Variants in CACNA1A observed in about 807,000 individuals in gnomAD.
CACNA1A encodes calcium voltage-gated channel subunit alpha1 A, also known as voltage-dependent P/Q-type calcium channel subunit alpha-1A.
In CACNA1A, 57 loss-of-function variants were observed where a neutral mutation model predicts 262.4. That is an observed-to-expected ratio of 0.22 (90% CI 0.18 to 0.27). The LOEUF is 0.27. Ranked by LOEUF, CACNA1A falls within the 10% of genes least tolerant of loss-of-function variation. The pLI is 1.00. For synonymous variants in CACNA1A, 1,431 were observed against 1,419.3 expected (o/e 1.01, Z -0.18); for missense variants, 2,526 against 3,562.8 (o/e 0.71, Z 7.41).
At chr19:13,390,494 A>G (rs376452291) in intron 3 of CACNA1A, among the ~76,000 whole-genome samples, 97 of 152,328 alleles carry the variant, frequency 6.4e-4, no homozygotes, top group Non-Finnish European at 1.2e-3. Context: ...CAAATATGGT[A>G]GCCACTAGTC....
chr19:13,287,994 C>T (rs115440626), intron 19 of CACNA1A, among the ~76,000 whole-genome samples: 7,161 of 151,942 alleles, frequency 0.047, 557 homozygotes, highest in African/African-American at 0.16. Flanking sequence ...TAGAGACTGG[C>T]GTCTCACTAT....
intron 1 of CACNA1A, among the ~76,000 whole-genome samples, chr19:13,505,678 G>A (rs901866980): frequency 2.3e-4 from 35 of 151,608 alleles, no homozygotes; most frequent in African/African-American, 8.5e-4. Context: ...TCGGTCCTTG[G>A]GAAGGATCCA....
chr19:13,285,944 A>C (rs2057386519), intron 20 of CACNA1A, among the ~76,000 whole-genome samples: 2 of 145,522 alleles, frequency 1.4e-5, no homozygotes, highest in African/African-American at 2.6e-5. Flanking sequence ...TCCACCCAGC[A>C]GTTCACCATT....
chr19:13,309,198 C>T (rs1301465206), intron 12 of CACNA1A, among the ~76,000 whole-genome samples: 4 of 151,704 alleles, frequency 2.6e-5, no homozygotes, highest in Admixed American at 6.6e-5. Context: ...TTAGTAGAGA[C>T]GGGGTTTCAC....
At chr19:13,461,131 G>T (rs549328745) in intron 1 of CACNA1A, among the ~76,000 whole-genome samples, 69 of 152,106 alleles carry the variant, frequency 4.5e-4, no homozygotes, top group Non-Finnish European at 9.1e-4. Context: ...CCAGAGGTCA[G>T]GAGTTCGAGA....
At chr19:13,210,560 G>C (rs1315363686) in intron 44 of CACNA1A, 57 bp downstream of exon 44, 2 of 1,473,558 alleles carry the variant, frequency 1.4e-6, no homozygotes, top group East Asian at 5.0e-5. Context: ...TGGAGGGGGG[G>C]TGGGGAGGAA....
chr19:13,222,266 T>C (rs1346511907), intron 38 of CACNA1A, among the ~76,000 whole-genome samples: 1 of 152,066 alleles, frequency 6.6e-6, no homozygotes, highest in Non-Finnish European at 1.5e-5. Context: ...GATCTCGAAC[T>C]CCTGACCTCA....
chr19:13,455,256 G>T, intron 1 of CACNA1A, 44 bp from the exon 2 acceptor site: 1 of 1,210,108 alleles, frequency 8.3e-7, no homozygotes, highest in Non-Finnish European at 1.2e-6. Context: ...GAAAAGAAGG[G>T]TGTTGGAGGT....
chr19:13,393,562 TCCCC>T (rs112610135), intron 3 of CACNA1A, among the ~76,000 whole-genome samples: 2 of 97,188 alleles, frequency 2.1e-5, no homozygotes, highest in South Asian at 4.1e-4. Flanking sequence ...GTTCCCTCCC[TCCCC>T]CCCTTCTTCT....
At chr19:13,231,598 GC>G in intron 35 of CACNA1A, 111 bp downstream of exon 35, 1 of 1,119,318 alleles carries the variant, frequency 8.9e-7, no homozygotes, top group South Asian at 1.5e-5. Flanking sequence ...GTTCAGAGAA[GC>G]CTTGGAGGGA....
rs879431902 is a variant in CACNA1A at position 13,320,267 on chromosome 19, AG to A, written c.1346-2947del. 4.5e-3 allele frequency among the ~76,000 whole-genome samples: 684 copies of A among 151,888 alleles called. 4 individuals are homozygous for A. The highest frequency in any genetic ancestry group is 0.024 in the Middle Eastern group (7 of 294). ...GAGAGAGAGAGAGAGAGAGAGAGAG[AG>A]AGAGAGAAACCACAGCAGGTAGAAG... On this transcript the variant is annotated intron_variant, in intron 10 of 46. Coordinates refer to ENST00000360228, the MANE Select transcript of CACNA1A (RefSeq NM_001127222.2).
chr19:13,333,572 T>C (rs1350004664), intron 8 of CACNA1A: 1 of 152,590 alleles, frequency 6.6e-6, no homozygotes, highest in East Asian at 1.9e-4. Flanking sequence ...GTAGCTGGGA[T>C]TACAGGCGTG....
At chr19:13,277,971 C>G (rs2057189934) in intron 22 of CACNA1A, 1 of 151,960 alleles carries the variant, frequency 6.6e-6, no homozygotes, top group African/African-American at 2.4e-5. Context: ...GCCTGTAATT[C>G]CAGCTACTTG....
chr19:13,482,439 T>C (rs1337648942), intron 1 of CACNA1A, among the ~76,000 whole-genome samples: 9 of 150,590 alleles, frequency 6.0e-5, no homozygotes, highest in African/African-American at 2.5e-5. Context: ...GCCGAGATCG[T>C]GCCACTGCAC....
Position 13,294,487 on chromosome 19 carries a change from C to CTTTTTTTTTTTT in CACNA1A, c.3089+4045_3089+4056dup, listed in dbSNP as rs780908964. 1.2e-4 allele frequency among the ~76,000 whole-genome samples: 9 copies of CTTTTTTTTTTTT among 72,524 alleles called. 1 individual carries two copies. Among genetic ancestry groups the CTTTTTTTTTTTT allele is most frequent in the African/African-American group, 5.9e-4 (9 of 15,308 alleles). The allele number at this position is 72,524 out of a possible 152,430, so 47.6% of individuals were successfully genotyped here. ...TACAGGTGCATACCACTGTACCTGG[C>CTTTTTTTTTTTT]TTTTTTTTTTTTTTTTTTTTTTTGA... On this transcript the variant is annotated intron_variant, in intron 19 of 46. Coordinates refer to ENST00000360228, the MANE Select transcript of CACNA1A (RefSeq NM_001127222.2).
intron 1 of CACNA1A, among the ~76,000 whole-genome samples, chr19:13,470,517 G>A (rs888491014): frequency 5.3e-5 from 8 of 151,970 alleles, no homozygotes; most frequent in Admixed American, 3.9e-4. Flanking sequence ...GTCTTCCCTG[G>A]GGCTTAATCC....
Position 13,376,787 on chromosome 19 carries a change from T to C in CACNA1A, c.540-5008A>G, listed in dbSNP as rs529492703. On this transcript the variant is annotated intron_variant, in intron 3 of 46. Coordinates refer to ENST00000360228, the MANE Select transcript of CACNA1A (RefSeq NM_001127222.2). ...TGACATATATAACACATAATATATG[T>C]GACATATATACACATAATATATGTT... 3.2e-3 allele frequency among the ~76,000 whole-genome samples: 373 copies of C among 115,742 alleles called. 1 individual carries two copies. Among genetic ancestry groups the C allele is most frequent in the African/African-American group, 0.012 (357 of 30,374 alleles). 75.9% of individuals were successfully genotyped at this position (115,742 alleles called of 152,430 possible). A position where few individuals can be genotyped will look rare whatever the true frequency, so the allele number is the denominator to read the frequency against.
At chr19:13,376,552 ATATAT>A (rs2059407131) in intron 3 of CACNA1A, among the ~76,000 whole-genome samples, 1 of 149,476 alleles carries the variant, frequency 6.7e-6, no homozygotes, top group South Asian at 2.1e-4. Context: ...TATATATATA[ATATAT>A]AACACATAAT....
At chr19:13,430,217 A>ATT (rs1395734065) in intron 3 of CACNA1A, among the ~76,000 whole-genome samples, 3 of 151,524 alleles carry the variant, frequency 2.0e-5, no homozygotes, top group African/African-American at 7.3e-5. Flanking sequence ...ATATATATAT[A>ATT]TTTTTTGAGA....
Sources: gnomAD v4.1 joint callset for allele counts (sites outside exome capture counted in the v4.1 genomes callset) on GRCh38, gnomAD v4.1.1 for gene constraint, MANE v1.5 for transcripts, NCBI Gene and HGNC (gene_info 2026-07-23, HGNC 2026-07-21) for gene names.